NEGR1: variants seen among roughly 807,000 people sequenced by gnomAD.
NEGR1 encodes neuronal growth regulator 1.
A neutral mutation model predicts 40.9 loss-of-function variants in NEGR1; 10 were observed. The observed-to-expected ratio is 0.24, with a 90% CI of 0.15 to 0.42. The LOEUF (loss-of-function observed/expected upper bound fraction) is 0.42, where lower values mean the gene tolerates loss of function less well. Among genes scored for constraint, NEGR1 ranks in the 10% least tolerant of loss-of-function variants. NEGR1 has a pLI of 1.00. For missense variants in NEGR1, 352 were observed against 438.9 expected, an observed-to-expected ratio of 0.80 and a Z score of 1.77; for synonymous variants, 185 against 166.8, an observed-to-expected ratio of 1.11 and a Z score of -0.84.
At chr1:71,719,277 G>A (rs1654375471) in intron 3 of NEGR1, among the ~76,000 whole-genome samples, 2 of 152,234 alleles carry the variant, frequency 1.3e-5, no homozygotes, top group South Asian at 4.1e-4. Context: ...AAAAAGTTAT[G>A]TCTTATTCAT....
At chr1:71,933,131 G>A (rs925068441) in intron 2 of NEGR1, among the ~76,000 whole-genome samples, 1 of 151,952 alleles carries the variant, frequency 6.6e-6, no homozygotes, top group Non-Finnish European at 1.5e-5. Flanking sequence ...CATTCAATAA[G>A]TACATTCGTA....
Position 72,010,672 on chromosome 1 carries a change from T to C in NEGR1, c.177-75361A>G, listed in dbSNP as rs142028179. On this transcript the variant is annotated intron_variant, in intron 1 of 6. Coordinates refer to ENST00000357731, the MANE Select transcript of NEGR1 (RefSeq NM_173808.3). ...CTGTAGAAAGAAAAAAAAATATTCC[T>C]GAATGCAGAATTGTGTGCTACTCAA... is the stretch of plus-strand genomic sequence containing the variant. Among the ~76,000 whole-genome samples the C allele has an allele frequency of 2.5e-4, 37 of 149,204 alleles. No homozygotes were observed. In the East Asian group the frequency reaches 7.3e-3, roughly 30 times the overall value.
intron 1 of NEGR1, among the ~76,000 whole-genome samples, chr1:71,960,836 TTA>T (rs1646159677): frequency 6.6e-6 from 1 of 152,134 alleles, no homozygotes; most frequent in Admixed American, 6.5e-5. Context: ...TCTTATAAAA[TTA>T]TCTTTTATTA....
At chr1:71,911,731 G>A (rs1026143130) in intron 2 of NEGR1, among the ~76,000 whole-genome samples, 4 of 152,150 alleles carry the variant, frequency 2.6e-5, no homozygotes, top group African/African-American at 9.7e-5. Context: ...GGTATATTGA[G>A]AAAGAAAGAA....
At chr1:71,483,514 TTG>T (rs1646867851) in intron 6 of NEGR1, among the ~76,000 whole-genome samples, 1 of 151,802 alleles carries the variant, frequency 6.6e-6, no homozygotes, top group South Asian at 2.1e-4. Flanking sequence ...AATGAGGCAT[TTG>T]TGTGTGTATG....
chr1:72,152,632 T>C (rs768233973), intron 1 of NEGR1, among the ~76,000 whole-genome samples: 5 of 151,922 alleles, frequency 3.3e-5, no homozygotes, highest in Admixed American at 1.3e-4. Context: ...CGGAATTATA[T>C]ACCCAAAGGA....
At chr1:71,502,139 C>A (rs531498918) in intron 6 of NEGR1, among the ~76,000 whole-genome samples, 6 of 152,012 alleles carry the variant, frequency 3.9e-5, no homozygotes, top group African/African-American at 1.5e-4. Flanking sequence ...ACCCGGCAAA[C>A]GTAACAAACT....
At chr1:72,058,910 T>G (rs1647139711) in intron 1 of NEGR1, among the ~76,000 whole-genome samples, 1 of 151,678 alleles carries the variant, frequency 6.6e-6, no homozygotes, top group African/African-American at 2.4e-5. Context: ...ATGTGTAATA[T>G]TAAAAATGGA....
At chr1:71,747,425 A>C (rs190875273) in intron 3 of NEGR1, among the ~76,000 whole-genome samples, 4 of 150,164 alleles carry the variant, frequency 2.7e-5, no homozygotes, top group African/African-American at 7.4e-5. Flanking sequence ...AACTTCTTAC[A>C]TCTTTTTTTT....
intron 1 of NEGR1, among the ~76,000 whole-genome samples, chr1:72,202,083 G>T (rs541607272): frequency 6.6e-6 from 1 of 151,790 alleles, no homozygotes; most frequent in South Asian, 2.1e-4. Flanking sequence ...TAATTCCTGC[G>T]GTAAGTCAAA....
In NEGR1 at chr1:71,402,846, T is replaced by G. The variant is rs986100261; in HGVS notation, c.*4600A>C. The G allele has an allele frequency of 6.6e-6, 1 of 152,076 alleles. No individual in the cohort carries two copies. Among genetic ancestry groups the G allele is most frequent in the South Asian group, 2.1e-4 (1 of 4,808 alleles). The allele number at this position is 152,076 out of a possible 1,614,324, so 9.4% of individuals were successfully genotyped here. On this transcript the variant is annotated 3_prime_UTR_variant, in exon 7 of 7. Coordinates refer to ENST00000357731, the MANE Select transcript of NEGR1 (RefSeq NM_173808.3). The stretch of plus-strand genomic sequence containing the variant: ...AAACTAGCTCTGTTTCATGTGCTGG[T>G]TTTCCATGTCTGATACTTGATGTTT...
intron 1 of NEGR1, among the ~76,000 whole-genome samples, chr1:72,220,484 A>G (rs1476018477): frequency 6.6e-6 from 1 of 151,976 alleles, no homozygotes; most frequent in African/African-American, 2.4e-5. Context: ...ATTGACCAAA[A>G]TCAGTAGATT....
At chr1:71,716,679 T>C (rs1051564130) in intron 3 of NEGR1, among the ~76,000 whole-genome samples, 1 of 152,144 alleles carries the variant, frequency 6.6e-6, no homozygotes, top group African/African-American at 2.4e-5. Context: ...ACAACACATA[T>C]GTCTATTCCT....
chr1:71,631,913 T>C (rs1366250115), intron 4 of NEGR1, among the ~76,000 whole-genome samples: 5 of 151,636 alleles, frequency 3.3e-5, no homozygotes, highest in African/African-American at 1.2e-4. Flanking sequence ...CATTAAGGAG[T>C]AATTCAATTA....
intron 4 of NEGR1, among the ~76,000 whole-genome samples, chr1:71,637,994 T>G (rs928081067): frequency 1.3e-5 from 2 of 152,090 alleles, no homozygotes; most frequent in African/African-American, 2.4e-5. Context: ...TATATTATTT[T>G]TATCATTTAG....
At chr1:71,732,035 G>A (rs887816675) in intron 3 of NEGR1, among the ~76,000 whole-genome samples, 4 of 152,068 alleles carry the variant, frequency 2.6e-5, no homozygotes, top group South Asian at 2.1e-4. Context: ...TTCACATTTC[G>A]GGCCGGGAGT....
At chr1:72,092,268 C>T (rs1030742044) in intron 1 of NEGR1, among the ~76,000 whole-genome samples, 2 of 152,112 alleles carry the variant, frequency 1.3e-5, no homozygotes, top group African/African-American at 4.8e-5. Flanking sequence ...GCATCCTGCA[C>T]CTGCTACAAT....
chr1:71,578,109 A>G (rs1255891776), intron 6 of NEGR1, among the ~76,000 whole-genome samples: 1 of 152,140 alleles, frequency 6.6e-6, no homozygotes, highest in Non-Finnish European at 1.5e-5. Context: ...TCTCACACCC[A>G]TCAGTTAGTA....
At chr1:72,198,425 G>A (rs1277588202) in intron 1 of NEGR1, among the ~76,000 whole-genome samples, 2 of 151,982 alleles carry the variant, frequency 1.3e-5, no homozygotes, top group Non-Finnish European at 2.9e-5. Context: ...CAAGGTGGAA[G>A]GAGCCTGACT....
Sources: allele counts gnomAD v4.1 joint callset (sites outside exome capture counted in the v4.1 genomes callset), GRCh38; gene constraint gnomAD v4.1.1; transcripts MANE v1.5; gene names NCBI Gene and HGNC (gene_info 2026-07-23, HGNC 2026-07-21).